Variants in DTNA observed in about 807,000 individuals in gnomAD.
The protein encoded by DTNA is dystrophin-related protein 3.
A neutral mutation model predicts 100.7 loss-of-function variants in DTNA; 43 were observed. That is an observed-to-expected ratio of 0.43 (90% CI 0.33 to 0.55). The LOEUF is 0.55. DTNA is among the 20% of genes least tolerant of loss of function. DTNA has a pLI of 0.04. For missense variants in DTNA, 798 were observed against 953.9 expected, an observed-to-expected ratio of 0.84 and a Z score of 2.15; for synonymous variants, 349 against 347.9, an observed-to-expected ratio of 1.00 and a Z score of -0.04.
intron 1 of DTNA, among the ~76,000 whole-genome samples, chr18:34,597,756 AC>A (rs2050924934): frequency 6.6e-6 from 1 of 151,768 alleles, no homozygotes; most frequent in African/African-American, 2.4e-5. Flanking sequence ...GTGCTAGTCT[AC>A]CTTTCCCCAC....
intron 3 of DTNA, 52 bp downstream of exon 3, chr18:34,766,093 C>T: frequency 1.3e-6 from 2 of 1,574,322 alleles, no homozygotes; most frequent in Non-Finnish European, 8.7e-7. Context: ...CTATAGTTTA[C>T]ATTTGGTACT....
intron 1 of DTNA, among the ~76,000 whole-genome samples, chr18:34,628,315 G>T (rs1203826922): frequency 1.3e-5 from 2 of 152,182 alleles, no homozygotes; most frequent in Admixed American, 1.3e-4. Flanking sequence ...TGCTAAATCA[G>T]TTCTACTGAA....
intron 1 of DTNA, among the ~76,000 whole-genome samples, chr18:34,729,745 G>A (rs2087632419): frequency 6.6e-6 from 1 of 152,014 alleles, no homozygotes; most frequent in Non-Finnish European, 1.5e-5. Flanking sequence ...AGGACACAAA[G>A]AAAAGATGGA....
rs1301370437 is a variant in DTNA at position 34,820,047 on chromosome 18, A to G, written c.877-744A>G. 4.6e-5 allele frequency among the ~76,000 whole-genome samples: 7 copies of G among 150,946 alleles called. No homozygotes were observed. In the East Asian group the frequency reaches 6.0e-4, roughly 13 times the overall value. ...ACCAACCTAATGTATGTGGTAGGCT[A>G]CTTTTTATAAAATTTTGACTGTATA... On this transcript the variant is annotated intron_variant, in intron 8 of 22. Coordinates refer to ENST00000444659, the MANE Select transcript of DTNA (RefSeq NM_001386795.1).
At chr18:34,519,642 A>C (rs1249355431) in intron 1 of DTNA, among the ~76,000 whole-genome samples, 2 of 152,140 alleles carry the variant, frequency 1.3e-5, no homozygotes, top group Admixed American at 1.3e-4. Flanking sequence ...TATTTACTAT[A>C]ATGTTTTTCA....
intron 1 of DTNA, among the ~76,000 whole-genome samples, chr18:34,555,751 T>C (rs1467534092): frequency 2.0e-5 from 3 of 152,224 alleles, no homozygotes; most frequent in Non-Finnish European, 4.4e-5. Flanking sequence ...TAGTTTGTTA[T>C]TATCTCTGTT....
intron 1 of DTNA, among the ~76,000 whole-genome samples, chr18:34,636,195 G>T (rs2058651555): frequency 6.6e-6 from 1 of 152,122 alleles, no homozygotes; most frequent in South Asian, 2.1e-4. Context: ...ACCCAGGCTG[G>T]AGTGCAGCGG....
Position 34,497,684 on chromosome 18 carries a change from T to TA in DTNA, c.-2+4182dup, listed in dbSNP as rs1178125574. 4.2e-3 allele frequency among the ~76,000 whole-genome samples: 604 copies of TA among 144,768 alleles called. 1 individual carries two copies. Among genetic ancestry groups the TA allele is most frequent in the African/African-American group, 0.011 (446 of 39,914 alleles). The allele number at this position is 144,768 out of a possible 152,430, so 95.0% of individuals were successfully genotyped here. A position where few individuals can be genotyped will look rare whatever the true frequency, so the allele number is the denominator to read the frequency against. On this transcript the variant is annotated intron_variant, in intron 1 of 19. Coordinates refer to the DTNA transcript ENST00000283365. ...CCCCTAATCTGATATTTCCATTGTT[T>TA]AAAAAAAAAAAAGTGGAAAAAATAG...
At chr18:34,506,145 G>A (rs2040468729) in intron 1 of DTNA, among the ~76,000 whole-genome samples, 1 of 152,178 alleles carries the variant, frequency 6.6e-6, no homozygotes, top group Non-Finnish European at 1.5e-5. Context: ...TGTTCCCCAT[G>A]TGGTCTCTCC....
At chr18:34,537,454 T>A (rs1485901860) in intron 1 of DTNA, among the ~76,000 whole-genome samples, 13 of 151,842 alleles carry the variant, frequency 8.6e-5, no homozygotes, top group African/African-American at 3.1e-4. Flanking sequence ...TGTATTGTAT[T>A]AAGGAAATTG....
chr18:34,851,925 A>G lies in DTNA; in HGVS notation c.1529A>G (p.Asn510Ser), dbSNP rs1270254305. Residue 510 changes from asparagine to serine, a missense_variant, in exon 15 of 23, where the codon AAC becomes AGC. By Grantham distance (46) the Asn-to-Ser change is conservative (BLOSUM62 1). Around this residue, in one of 6 missense-constraint regions of DTNA, gnomAD observed 159 missense variants for 201.2 expected, o/e 0.79. Coordinates refer to ENST00000444659, the MANE Select transcript of DTNA (RefSeq NM_001386795.1). ...RQLIAELENK[N>S]REILQEIQRL... Reference sequence around the variant, plus strand: ...CTGATTGCTGAGCTAGAAAACAAGAACAGGTGAGACTTTGTAGACGTGCTG... The same window carrying G: ...CTGATTGCTGAGCTAGAAAACAAGAGCAGGTGAGACTTTGTAGACGTGCTG... 6 of 1,613,834 alleles carry G rather than the reference A, an allele frequency of 3.7e-6. No homozygotes were observed. The highest frequency in any genetic ancestry group is 5.1e-6 in the Non-Finnish European group (6 of 1,179,776).
chr18:34,511,135 T>G (rs2041044196), intron 1 of DTNA, among the ~76,000 whole-genome samples: 1 of 152,108 alleles, frequency 6.6e-6, no homozygotes, highest in African/African-American at 2.4e-5. Flanking sequence ...GAATTGTCAT[T>G]GTTACTAGGA....
intron 19 of DTNA, 49 bp from the exon 20 acceptor site, chr18:34,879,502 T>A (rs745876815): frequency 1.2e-6 from 2 of 1,603,776 alleles, no homozygotes; most frequent in South Asian, 1.1e-5. Flanking sequence ...TTGCAGGTCA[T>A]AAAAAAATCT....
chr18:34,598,919 C>T (rs16965616), intron 1 of DTNA, among the ~76,000 whole-genome samples: 2 of 152,078 alleles, frequency 1.3e-5, no homozygotes, highest in African/African-American at 2.4e-5. Flanking sequence ...TTTCTAAAAG[C>T]CTATGCTAAG....
chr18:34,826,677 C>T (rs190085467), intron 9 of DTNA, among the ~76,000 whole-genome samples: 383 of 152,218 alleles, frequency 2.5e-3, no homozygotes, highest in Non-Finnish European at 4.7e-3. Context: ...ACTGAAATTT[C>T]CTCTGATTCA....
chr18:34,725,027 A>G (rs1434436029), intron 1 of DTNA, among the ~76,000 whole-genome samples: 1 of 152,230 alleles, frequency 6.6e-6, no homozygotes, highest in African/African-American at 2.4e-5. Flanking sequence ...TGGTGCTGGA[A>G]AAACTGGCTA....
intron 1 of DTNA, among the ~76,000 whole-genome samples, chr18:34,647,163 G>C (rs976694231): frequency 1.3e-5 from 2 of 152,010 alleles, no homozygotes; most frequent in Admixed American, 6.6e-5. Context: ...AATAACACAC[G>C]GGTAGCCACT....
chr18:34,563,601 T>A (rs2046827882), intron 1 of DTNA, among the ~76,000 whole-genome samples: 1 of 152,204 alleles, frequency 6.6e-6, no homozygotes, highest in African/African-American at 2.4e-5. Context: ...GCTCTCATCC[T>A]TCCCACCTCA....
At chr18:34,821,406 G>A (rs1568644858) in intron 9 of DTNA, 1 of 456,148 alleles carries the variant, frequency 2.2e-6, no homozygotes, top group South Asian at 1.6e-5. Flanking sequence ...GCCTGTGCAG[G>A]GGAAGGTTGA....
Sources: gnomAD v4.1 joint callset for allele counts (sites outside exome capture counted in the v4.1 genomes callset) on GRCh38, gnomAD v4.1.1 for gene constraint, gnomAD v4.1.1 regional missense constraint, MANE v1.5 for transcripts, NCBI Gene and HGNC (gene_info 2026-07-23, HGNC 2026-07-21) for gene names.